MARCHF1: variants seen among roughly 807,000 people sequenced by gnomAD.
The protein encoded by MARCHF1 is membrane associated ring-CH-type finger 1.
MARCHF1 carries 40 observed loss-of-function variants against 54.2 expected under a neutral mutation model. That is an observed-to-expected ratio of 0.74 (90% CI 0.57 to 0.96). The LOEUF (loss-of-function observed/expected upper bound fraction) is 0.96, where lower values mean the gene tolerates loss of function less well. MARCHF1 is among the 40% of genes least tolerant of loss of function. MARCHF1 has a pLI of 0.00. For synonymous variants in MARCHF1, 236 were observed against 236.3 expected, an observed-to-expected ratio of 1.00 and a Z score of 0.01; for missense variants, 586 against 656.5, an observed-to-expected ratio of 0.89 and a Z score of 1.17.
intron 1 of MARCHF1, among the ~76,000 whole-genome samples, chr4:164,291,800 C>T (rs1008139839): frequency 7.2e-5 from 11 of 151,972 alleles, no homozygotes; most frequent in South Asian, 4.1e-4. Context: ...ATGGGACCAC[C>T]CCTGAATATG....
intron 4 of MARCHF1, among the ~76,000 whole-genome samples, chr4:163,722,673 G>A (rs1002438240): frequency 6.6e-6 from 1 of 152,156 alleles, no homozygotes; most frequent in Non-Finnish European, 1.5e-5. Flanking sequence ...AAATCTCTTT[G>A]TAGATCTCTA....
chr4:163,954,933 AT>A lies in MARCHF1; in HGVS notation c.-39+33567del, dbSNP rs1411351501. 4.9e-3 allele frequency among the ~76,000 whole-genome samples: 742 copies of A among 152,232 alleles called. 7 individuals are homozygous for A. The highest frequency in any genetic ancestry group is 0.017 in the African/African-American group (716 of 41,542). On this transcript the variant is annotated intron_variant, in intron 3 of 9. Transcript: ENST00000514618. The stretch of plus-strand genomic sequence containing the variant: ...TTCAACAAACTATAGACTGTTTGAA[AT>A]TTTTAAATGTTAATCTTTTTACAAA...
chr4:164,293,716 C>T (rs1388211755), intron 1 of MARCHF1, among the ~76,000 whole-genome samples: 6 of 152,194 alleles, frequency 3.9e-5, no homozygotes, highest in South Asian at 2.1e-4. Flanking sequence ...CACATAGAAT[C>T]GAGTGACTCT....
chr4:163,962,204 A>G (rs764643371), intron 3 of MARCHF1, among the ~76,000 whole-genome samples: 2 of 151,972 alleles, frequency 1.3e-5, no homozygotes, highest in Non-Finnish European at 2.9e-5. Flanking sequence ...AGCAACTGCA[A>G]TTAACAAACT....
At chr4:164,295,135 C>T (rs570265971) in intron 1 of MARCHF1, among the ~76,000 whole-genome samples, 35 of 152,020 alleles carry the variant, frequency 2.3e-4, no homozygotes, top group African/African-American at 7.2e-4. Context: ...AACAAAGAGA[C>T]GCAATTGTAG....
chr4:164,092,056 A>C (rs1448688655), intron 2 of MARCHF1, among the ~76,000 whole-genome samples: 1 of 152,116 alleles, frequency 6.6e-6, no homozygotes, highest in Non-Finnish European at 1.5e-5. Context: ...GCAAACAATC[A>C]ACAAGGTCTC....
At chr4:163,774,771 C>G (rs796923607) in intron 4 of MARCHF1, among the ~76,000 whole-genome samples, 15 of 152,292 alleles carry the variant, frequency 9.8e-5, no homozygotes, top group African/African-American at 3.6e-4. Flanking sequence ...GCTGGGATTA[C>G]AGGTGTGAGT....
At chr4:164,185,919 A>G (rs57593133) in intron 1 of MARCHF1, among the ~76,000 whole-genome samples, 23,823 of 152,004 alleles carry the variant, frequency 0.16, 2,642 homozygotes, top group African/African-American at 0.3. Flanking sequence ...TTGAGATGGA[A>G]TCTCGCTCTT....
chr4:164,023,548 G>A (rs952252003), intron 2 of MARCHF1, among the ~76,000 whole-genome samples: 3 of 152,224 alleles, frequency 2.0e-5, no homozygotes, highest in East Asian at 1.9e-4. Context: ...CCTAGACAGA[G>A]GGCTGGCCCT....
chr4:164,087,844 G>A (rs1755222509), intron 2 of MARCHF1, among the ~76,000 whole-genome samples: 1 of 149,230 alleles, frequency 6.7e-6, no homozygotes, highest in Non-Finnish European at 1.5e-5. Context: ...ATTTTTCTGT[G>A]CATTTCCAAG....
intron 7 of MARCHF1, among the ~76,000 whole-genome samples, chr4:163,602,713 T>C (rs1459691166): frequency 6.6e-6 from 1 of 152,126 alleles, no homozygotes; most frequent in Non-Finnish European, 1.5e-5. Flanking sequence ...ATTAGGTTGG[T>C]TAGTGTAATC....
chr4:164,137,141 ATGT>A (rs1756419525), intron 1 of MARCHF1, among the ~76,000 whole-genome samples: 1 of 152,236 alleles, frequency 6.6e-6, no homozygotes, highest in Non-Finnish European at 1.5e-5. Context: ...TGCTATTTTA[ATGT>A]TGTCAATTCA....
chr4:163,594,811 T>G (rs1360877007), intron 7 of MARCHF1, among the ~76,000 whole-genome samples: 1 of 150,948 alleles, frequency 6.6e-6, no homozygotes, highest in African/African-American at 2.5e-5. Context: ...AGATAAATGC[T>G]CCTGAGGATG....
chr4:164,021,079 C>T lies in MARCHF1; in HGVS notation c.-247-32370G>A, dbSNP rs535586024. Reference sequence around the variant, plus strand: ...TATTCCCTCCAATCCATTTCTGTCCCTTTTTTTTTTTTTTTTTTCCCTGTA... The same window carrying T: ...TATTCCCTCCAATCCATTTCTGTCCTTTTTTTTTTTTTTTTTTTCCCTGTA... On this transcript the variant is annotated intron_variant, in intron 2 of 9. Coordinates refer to ENST00000514618, the MANE Select transcript of MARCHF1 (RefSeq NM_001394959.1). 4.1e-3 allele frequency among the ~76,000 whole-genome samples: 583 copies of T among 141,678 alleles called. 5 individuals are homozygous for T. Among genetic ancestry groups the T allele is most frequent in the African/African-American group, 0.015 (564 of 37,600 alleles). The allele number at this position is 141,678 out of a possible 152,430, so 92.9% of individuals were successfully genotyped here. A position where few individuals can be genotyped will look rare whatever the true frequency, so the allele number is the denominator to read the frequency against.
chr4:163,561,329 G>GT (rs2110976710), intron 8 of MARCHF1, among the ~76,000 whole-genome samples: 1 of 152,110 alleles, frequency 6.6e-6, no homozygotes, highest in African/African-American at 2.4e-5. Flanking sequence ...ATTGTTTTAG[G>GT]TTTTACATTT....
intron 4 of MARCHF1, among the ~76,000 whole-genome samples, chr4:163,818,394 G>T (rs1748601033): frequency 3.3e-5 from 5 of 151,840 alleles, no homozygotes; most frequent in Admixed American, 3.3e-4. Flanking sequence ...CCATTAATAA[G>T]ATTCTGTGCC....
intron 2 of MARCHF1, among the ~76,000 whole-genome samples, chr4:164,068,428 C>T (rs549109526): frequency 1.4e-4 from 22 of 152,148 alleles, no homozygotes; most frequent in Admixed American, 3.9e-4. Flanking sequence ...GGGCTGTGTG[C>T]GGCGCTTGTG....
intron 5 of MARCHF1, among the ~76,000 whole-genome samples, chr4:163,620,797 TC>T (rs1281917649): frequency 6.6e-6 from 1 of 152,162 alleles, no homozygotes; most frequent in East Asian, 1.9e-4. Context: ...AAAGTACACA[TC>T]TAGCCATTAG....
chr4:163,947,466 T>A (rs1284985390), intron 3 of MARCHF1, among the ~76,000 whole-genome samples: 1 of 152,094 alleles, frequency 6.6e-6, no homozygotes, highest in Non-Finnish European at 1.5e-5. Flanking sequence ...TGCAGGTGGG[T>A]CCGATATAAT....
Sources: gnomAD v4.1 joint callset for allele counts (sites outside exome capture counted in the v4.1 genomes callset) on GRCh38, gnomAD v4.1.1 for gene constraint, MANE v1.5 for transcripts, NCBI Gene and HGNC (gene_info 2026-07-23, HGNC 2026-07-21) for gene names.